Variants in ATAD3B observed in about 807,000 individuals in gnomAD.
ATAD3B encodes ATPase family AAA domain containing 3B.
ATAD3B carries 59 observed loss-of-function variants against 70.2 expected under a neutral mutation model. The observed-to-expected ratio is 0.84, with a 90% CI of 0.68 to 1.04. ATAD3B has a LOEUF of 1.04. Among genes scored for constraint, ATAD3B ranks in the 50% least tolerant of loss-of-function variants. The pLI, the probability that ATAD3B is intolerant of heterozygous loss-of-function variation, is 0.00. For synonymous variants in ATAD3B, 423 were observed against 388.6 expected (o/e 1.09, Z -1.04); for missense variants, 961 against 913.4 (o/e 1.05, Z -0.67).
intron 15 of ATAD3B, among the ~76,000 whole-genome samples, chr1:1,495,167 G>A (rs1346387059): frequency 6.6e-6 from 1 of 152,014 alleles, no homozygotes; most frequent in South Asian, 2.1e-4. Flanking sequence ...GACTCGCAGA[G>A]GGTCTGCAGT....
In ATAD3B at chr1:1,479,907, C is replaced by T. The variant is rs1210731233; in HGVS notation, c.444+799C>T. 1.1e-4 allele frequency among the ~76,000 whole-genome samples: 16 copies of T among 144,420 alleles called. 1 individual carries two copies. The highest frequency in any genetic ancestry group is 2.3e-4 in the South Asian group (1 of 4,412). 94.7% of individuals were successfully genotyped at this position (144,420 alleles called of 152,430 possible). On this transcript the variant is annotated intron_variant, in intron 4 of 15. Transcript: ENST00000673477. ...ACGGGCATGCACACGCCCACACACA[C>T]GGGCGCGCACACACCCGGACATGCA...
Position 1,480,859 on chromosome 1 carries a change from C to T in ATAD3B, c.445-8C>T, listed in dbSNP as rs1346918681. On this transcript the variant is annotated splice_polypyrimidine_tract_variant and splice_region_variant and intron_variant, in intron 4 of 15. Coordinates refer to ENST00000673477, the MANE Select transcript of ATAD3B (RefSeq NM_031921.6). ...AGGCTTTTCTCTTTTTCTGCGGCTT[C>T]TTCTCAGCAACTTCTCAATGAGGAG... is the stretch of plus-strand genomic sequence containing the variant. 7.6e-6 allele frequency: 12 copies of T among 1,588,184 alleles called. No individual in the cohort carries two copies. Among genetic ancestry groups the T allele is most frequent in the Non-Finnish European group, 1.0e-5 (12 of 1,169,788 alleles).
At chr1:1,494,895 A>G (rs1640705624) in intron 15 of ATAD3B, among the ~76,000 whole-genome samples, 1 of 151,936 alleles carries the variant, frequency 6.6e-6, no homozygotes, top group African/African-American at 2.4e-5. Context: ...TGGCACTGAG[A>G]TGGAGAGCGA....
At chr1:1,476,830 G>A (rs1196129503) in intron 1 of ATAD3B, among the ~76,000 whole-genome samples, 6 of 150,200 alleles carry the variant, frequency 4.0e-5, no homozygotes, top group African/African-American at 7.4e-5. Context: ...TTTTAGAGAC[G>A]GAGTTGCGCT....
rs1312907956 is a variant in ATAD3B, at chr1:1,497,478, G to GC, written c.*1663dup. On this transcript the variant is annotated 3_prime_UTR_variant, in exon 16 of 16. Coordinates refer to ENST00000673477, the MANE Select transcript of ATAD3B (RefSeq NM_031921.6). ...ACTCTTGGCCTCAGGAGATCCTCCCGCCTCTACAGGATGAGCCACCAAGCC... is the reference window on the plus strand; with the variant it reads ...ACTCTTGGCCTCAGGAGATCCTCCCGCCCTCTACAGGATGAGCCACCAAGCC... 6.7e-6 allele frequency: 1 copy of GC among 149,384 alleles called. No individual in the cohort carries two copies. Among genetic ancestry groups the GC allele is most frequent in the African/African-American group, 2.5e-5 (1 of 40,114 alleles). The allele number at this position is 149,384 out of a possible 1,614,324, so 9.3% of individuals were successfully genotyped here.
At chr1:1,489,786 C>G (rs936257164) in intron 13 of ATAD3B, 2 of 1,294,988 alleles carry the variant, frequency 1.5e-6, no homozygotes, top group Admixed American at 2.4e-5. Context: ...TGCTGCCGTT[C>G]GACGCTCCCT....
At chr1:1,480,703 A>G (rs111612395) in intron 4 of ATAD3B, among the ~76,000 whole-genome samples, 164 bp from the exon 5 acceptor site, 1,934 of 147,212 alleles carry the variant, frequency 0.013, 236 homozygotes, top group African/African-American at 0.045. Flanking sequence ...CTGCCGTCCC[A>G]GCCGATGTCA....
intron 15 of ATAD3B, among the ~76,000 whole-genome samples, chr1:1,493,448 T>A (rs1389830992): frequency 6.6e-6 from 1 of 151,818 alleles, no homozygotes; most frequent in African/African-American, 2.4e-5. Flanking sequence ...TCTTTTCTTT[T>A]CTTTTGGTGG....
At chr1:1,490,829 G>A (rs188075046) in intron 15 of ATAD3B, among the ~76,000 whole-genome samples, 158 bp downstream of exon 15, 11 of 152,166 alleles carry the variant, frequency 7.2e-5, no homozygotes, top group African/African-American at 2.6e-4. Context: ...CCTCAGTCGG[G>A]CCACTCCACG....
At chr1:1,492,158 C>T (rs556396053) in intron 15 of ATAD3B, among the ~76,000 whole-genome samples, 2 of 151,844 alleles carry the variant, frequency 1.3e-5, no homozygotes, top group Admixed American at 1.3e-4. Context: ...TGCACTCCAG[C>T]CTGGGTTACA....
rs147392527 is a variant in ATAD3B at position 1,489,980 on chromosome 1, G to A, written c.1338-277G>A. The A allele has an allele frequency of 5.5e-5, 71 of 1,299,476 alleles. 2 individuals are homozygous for A. The South Asian group carries it at 7.9e-4, about 14-fold the overall frequency. 80.5% of individuals were successfully genotyped at this position (1,299,476 alleles called of 1,614,324 possible). On this transcript the variant is annotated intron_variant, in intron 13 of 15. Transcript: ENST00000673477. ...GGTAGCAGGAGGGAGTGGTGTTCCC[G>A]GCACTGCCTATCAGGCTGGGCGAGG...
Position 1,486,091 on chromosome 1 carries a change from C to A in ATAD3B, c.964-19C>A. 6.2e-7 allele frequency: 1 copy of A among 1,612,924 alleles called. No homozygotes were observed. The highest frequency in any genetic ancestry group is 8.5e-7 in the Non-Finnish European group (1 of 1,179,608). ...GTGGGTGCAGAGTGTCTCCCCCAAA[C>A]CCCCGTCTTCCCCGGCAGCCCAGCC... On this transcript the variant is annotated intron_variant, in intron 9 of 15. Transcript: ENST00000673477.
At position 1,495,540 on chromosome 1, in the gene ATAD3B, G is replaced by A; in HGVS notation, c.1670G>A (p.Cys557Tyr). The A allele has an allele frequency of 1.2e-6, 2 of 1,612,922 alleles. No homozygotes were observed. The highest frequency in any genetic ancestry group is 1.7e-6 in the Non-Finnish European group (2 of 1,179,204). ...CTCACTGAGGCCATGATGGACGCCT[G>A]TGTGCAAGATGCTGTCCAGCAGTAC... The part of the protein sequence containing the change: ...GVLTEAMMDA[C>Y]VQDAVQQYRQ... The change falls in exon 16 of 16, where the codon TGT becomes TAT. Residue 557 changes from cysteine (C) to tyrosine (Y), a missense_variant. Cys to Tyr is a radical substitution (Grantham distance 194). Around this residue, in one of 4 missense-constraint regions of ATAD3B, gnomAD observed 417 missense variants for 335.0 expected, o/e 1.24. Transcript: ENST00000673477.
At chr1:1,503,775 G>T in the ATAD3B span, 1 of 1,478,684 alleles carries the variant, frequency 6.8e-7, no homozygotes, top group South Asian at 1.2e-5. Flanking sequence ...GGGCAGCAGT[G>T]GGGTGCAGGG....
chr1:1,499,475 T>C (rs909965124), downstream of ATAD3B, among the ~76,000 whole-genome samples: 1 of 147,556 alleles, frequency 6.8e-6, no homozygotes, highest in African/African-American at 2.6e-5. Context: ...GACCTCATGA[T>C]CCGCACTCGG....
chr1:1,498,094 G>A (rs555207601), downstream of ATAD3B, among the ~76,000 whole-genome samples: 11 of 151,820 alleles, frequency 7.2e-5, no homozygotes, highest in South Asian at 2.3e-3. Flanking sequence ...CCTGAGGTCA[G>A]GAGTTCGAGA....
Position 1,495,883 on chromosome 1 carries a change from C to T in ATAD3B, c.*66C>T, listed in dbSNP as rs564244148. ...AGACACTCTTGGGAGATGCATTTTC[C>T]GTCTGGCTCACAGGGGGAGGGTGAG... is the stretch of plus-strand genomic sequence containing the variant. On this transcript the variant is annotated 3_prime_UTR_variant, in exon 16 of 16. Coordinates refer to ENST00000673477, the MANE Select transcript of ATAD3B (RefSeq NM_031921.6). The T allele has an allele frequency of 3.5e-5, 52 of 1,483,926 alleles. 1 individual carries two copies. The highest frequency in any genetic ancestry group is 2.6e-4 in the Middle Eastern group (1 of 3,900). 91.9% of individuals were successfully genotyped at this position (1,483,926 alleles called of 1,614,324 possible).
At chr1:1,498,200 G>T (rs1640849651), downstream of ATAD3B, among the ~76,000 whole-genome samples, 1 of 152,030 alleles carries the variant, frequency 6.6e-6, no homozygotes, top group Admixed American at 6.5e-5. Flanking sequence ...CTACTCGGGA[G>T]GCCGAGGCAG....
the ATAD3B span, among the ~76,000 whole-genome samples, chr1:1,508,633 G>A: frequency 6.6e-6 from 1 of 151,446 alleles, no homozygotes; most frequent in African/African-American, 2.5e-5. Flanking sequence ...TGGCAGAAAG[G>A]CTGGACCTGA....
Sources: allele counts gnomAD v4.1 joint callset (sites outside exome capture counted in the v4.1 genomes callset), GRCh38; gene constraint gnomAD v4.1.1; regional missense constraint gnomAD v4.1.1; transcripts MANE v1.5; gene names NCBI Gene and HGNC (gene_info 2026-07-23, HGNC 2026-07-21).